Variants in BICRA observed in about 807,000 individuals in gnomAD.
The protein encoded by BICRA is BRD4 interacting chromatin remodeling complex associated protein, also known as BRD4-interacting chromatin-remodeling complex-associated protein.
A neutral mutation model predicts 96.9 loss-of-function variants in BICRA; 31 were observed. That is an observed-to-expected ratio of 0.32 (90% CI 0.24 to 0.43). BICRA has a LOEUF of 0.43. BICRA is among the 20% of genes least tolerant of loss of function. BICRA has a pLI of 1.00. For missense variants in BICRA, 2,283 were observed against 2,190.3 expected, an observed-to-expected ratio of 1.04 and a Z score of -0.84; for synonymous variants, 1,350 against 1,071.8, an observed-to-expected ratio of 1.26 and a Z score of -5.07.
intron 1 of BICRA, among the ~76,000 whole-genome samples, chr19:47,640,087 A>G (rs1045251946): frequency 5.3e-5 from 8 of 152,216 alleles, no homozygotes; most frequent in Admixed American, 3.3e-4. Flanking sequence ...TCACTCTGTC[A>G]TAAGGCTACA....
intron 1 of BICRA, among the ~76,000 whole-genome samples, chr19:47,625,567 G>A (rs1173422735): frequency 3.3e-5 from 5 of 152,126 alleles, no homozygotes; most frequent in Non-Finnish European, 5.9e-5. Flanking sequence ...GAGGGGCCAG[G>A]TGACCTTTAT....
Position 47,680,726 on chromosome 19 carries a change from A to G in BICRA, c.1556A>G (p.Asn519Ser), listed in dbSNP as rs1973032589. The G allele has an allele frequency of 3.1e-6, 5 of 1,602,748 alleles. No individual in the cohort carries two copies. In the South Asian group the frequency reaches 3.3e-5, roughly 11 times the overall value. ...LIANPILTNQ[N>S]LAGPLSLGPV... ...GCGAACCCCATCCTCACAAACCAGA[A>G]CCTGGCGGGCCCACTGAGCCTGGGC... is the stretch of plus-strand genomic sequence containing the variant. The change falls in exon 6 of 15, where the codon AAC (asparagine) becomes AGC (serine). Residue 519 changes from asparagine (N) to serine (S), a missense_variant. By Grantham distance (46) the Asn-to-Ser change is conservative. Transcript: ENST00000594866.
chr19:47,641,142 G>C (rs1283883133), intron 1 of BICRA, among the ~76,000 whole-genome samples: 3 of 142,194 alleles, frequency 2.1e-5, no homozygotes, highest in Admixed American at 7.4e-5. Context: ...GGATGGTCTC[G>C]GTCTCCTGAC....
chr19:47,616,286 C>A (rs925684261), intron 1 of BICRA, among the ~76,000 whole-genome samples: 4 of 152,138 alleles, frequency 2.6e-5, no homozygotes, highest in African/African-American at 9.7e-5. Context: ...GGATTAGATA[C>A]CCAAGTTGCT....
chr19:47,609,890 G>A (rs1971872558), intron 1 of BICRA, among the ~76,000 whole-genome samples: 1 of 152,106 alleles, frequency 6.6e-6, no homozygotes. Flanking sequence ...TTGACCCCCA[G>A]CCCCCGGCAA....
At position 47,659,823 on chromosome 19, in the gene BICRA, C is replaced by T. The variant is rs186128558; in HGVS notation, c.-107-10620C>T. On this transcript the variant is annotated intron_variant, in intron 1 of 14. Transcript: ENST00000594866. ...GTGGTGCAGTGGCATGATCTTGGCT[C>T]ACCACAGCCTTAGCCTCCCAGGCTC... Among the ~76,000 whole-genome samples the T allele has an allele frequency of 2.1e-4, 32 of 152,208 alleles. No homozygotes were observed. In the East Asian group the frequency reaches 5.8e-3, roughly 28 times the overall value.
intron 1 of BICRA, among the ~76,000 whole-genome samples, chr19:47,649,212 C>T (rs1373790248): frequency 6.6e-6 from 1 of 151,824 alleles, no homozygotes; most frequent in Non-Finnish European, 1.5e-5. Context: ...GTCTCAAGCT[C>T]CTGACCTCAA....
Position 47,679,374 on chromosome 19 carries a change from G to C in BICRA, c.204G>C (p.Pro68=). Residue 68 remains proline, a synonymous_variant, in exon 6 of 15, where the codon CCG becomes CCC. Coordinates refer to ENST00000594866, the MANE Select transcript of BICRA (RefSeq NM_001394372.1). The part of the protein sequence containing the change: ...GNHLNPEPNQ[P]APSVDLDFLE... The stretch of plus-strand genomic sequence containing the variant: ...ACCTGAACCCAGAGCCCAACCAGCC[G>C]GCCCCCAGTGTGGACCTAGACTTCC... 7.0e-7 allele frequency: 1 copy of C among 1,429,760 alleles called. No individual in the cohort carries two copies. Among genetic ancestry groups the C allele is most frequent in the Non-Finnish European group, 9.2e-7 (1 of 1,089,490 alleles). 88.6% of individuals were successfully genotyped at this position (1,429,760 alleles called of 1,614,324 possible).
intron 11 of BICRA, among the ~76,000 whole-genome samples, 158 bp downstream of exon 11, chr19:47,696,670 C>A (rs973977839): frequency 6.6e-6 from 1 of 152,224 alleles, no homozygotes; most frequent in Non-Finnish European, 1.5e-5. Context: ...CCCTCAGTTT[C>A]CCCCTCTGGA....
chr19:47,623,727 G>C (rs1183659011), intron 1 of BICRA, among the ~76,000 whole-genome samples: 2 of 152,134 alleles, frequency 1.3e-5, no homozygotes, highest in African/African-American at 4.8e-5. Flanking sequence ...CTGGAGGAGG[G>C]AGCTTCTAGG....
In BICRA at chr19:47,702,553, G is replaced by T; in HGVS notation, c.*138G>T. ...TGCCTAAGTTATTTGAGTCACAAAGGCCTCCTTCCCTGCCGCCTGCTTCAG... is the reference window on the plus strand; with the variant it reads ...TGCCTAAGTTATTTGAGTCACAAAGTCCTCCTTCCCTGCCGCCTGCTTCAG... On this transcript the variant is annotated 3_prime_UTR_variant, in exon 15 of 15. Coordinates refer to ENST00000594866, the MANE Select transcript of BICRA (RefSeq NM_001394372.1). The T allele has an allele frequency of 9.8e-7, 1 of 1,025,554 alleles. No homozygotes were observed. 63.5% of individuals were successfully genotyped at this position (1,025,554 alleles called of 1,614,324 possible).
intron 7 of BICRA, among the ~76,000 whole-genome samples, chr19:47,689,769 C>T (rs529746322): frequency 1.3e-5 from 2 of 152,280 alleles, no homozygotes; most frequent in South Asian, 4.1e-4. Flanking sequence ...CAACCTAGTG[C>T]AAATATGGTT....
Position 47,681,135 on chromosome 19 carries a change from CG to C in BICRA, c.1966del (p.Ala656ProfsTer68). Reference sequence around the variant, plus strand: ...CCCCGCAGGCCCCCACCCCACAGGCCGCCGCCCCGCCTCAGGCCACCACCCC... The same window carrying C: ...CCCCGCAGGCCCCCACCCCACAGGCCCCGCCCCGCCTCAGGCCACCACCCC... Reference protein sequence around the residue: ...QPPQAPTPQAAAPPQATTPQP... With the variant: ...QPPQAPTPQAXAPPQATTPQP... On this transcript the variant is annotated frameshift_variant, in exon 6 of 15. Transcript: ENST00000594866. LOFTEE classifies it high-confidence loss of function. 2 of 1,507,176 alleles carry C rather than the reference CG, an allele frequency of 1.3e-6. No individual in the cohort carries two copies. Among genetic ancestry groups the C allele is most frequent in the Non-Finnish European group, 1.8e-6 (2 of 1,125,362 alleles). 93.4% of individuals were successfully genotyped at this position (1,507,176 alleles called of 1,614,324 possible). A position where few individuals can be genotyped will look rare whatever the true frequency, so the allele number is the denominator to read the frequency against.
chr19:47,664,477 A>T (rs1972746643), intron 1 of BICRA, among the ~76,000 whole-genome samples: 1 of 152,096 alleles, frequency 6.6e-6, no homozygotes, highest in African/African-American at 2.4e-5. Flanking sequence ...ACAGGGTCTG[A>T]GTTCAAATTC....
intron 5 of BICRA, among the ~76,000 whole-genome samples, chr19:47,678,503 G>T (rs1341355714): frequency 6.6e-6 from 1 of 152,206 alleles, no homozygotes; most frequent in African/African-American, 2.4e-5. Context: ...GGCGTGCGAT[G>T]CAGGATCACG....
Position 47,698,585 on chromosome 19 carries a change from G to GCCC in BICRA, c.3249-49_3249-48insCCC. The GCCC allele has an allele frequency of 7.3e-6, 4 of 549,046 alleles. No homozygotes were observed. The highest frequency in any genetic ancestry group is 3.9e-5 in the East Asian group (1 of 25,578). 34.0% of individuals were successfully genotyped at this position (549,046 alleles called of 1,614,324 possible). A position where few individuals can be genotyped will look rare whatever the true frequency, so the allele number is the denominator to read the frequency against. On this transcript the variant is annotated intron_variant, in intron 11 of 14. Transcript: ENST00000594866. This position sits in a 1 kb window ranked among gnomAD's most constrained non-coding sequence, Gnocchi z 4.8. ...CAGGGACTTCCCCTGGCCCTCACCC[G>GCCC]TCCCCCCCACCCTCCGCCGTGTGTG...
Position 47,658,928 on chromosome 19 carries a change from C to T in BICRA, c.-107-11515C>T, listed in dbSNP as rs560120052. ...CTGATGACGTGTGAGTCCCTGTGTC[C>T]GGTGAACATAATCATTTCTTTTGTA... On this transcript the variant is annotated intron_variant, in intron 1 of 14. Transcript: ENST00000594866. 2.4e-4 allele frequency among the ~76,000 whole-genome samples: 37 copies of T among 152,284 alleles called. No homozygotes were observed. The South Asian group carries it at 7.5e-3, about 31-fold the overall frequency.
chr19:47,621,922 G>A (rs1305490564), intron 1 of BICRA, among the ~76,000 whole-genome samples: 1 of 152,006 alleles, frequency 6.6e-6, no homozygotes, highest in African/African-American at 2.4e-5. Flanking sequence ...TTCTCAAGTA[G>A]CTGGTGTTAC....
intron 1 of BICRA, among the ~76,000 whole-genome samples, chr19:47,655,394 G>A (rs536355700): frequency 6.6e-6 from 1 of 150,954 alleles, no homozygotes; most frequent in Admixed American, 6.6e-5. Context: ...GCGTGGTGGT[G>A]CATGCCTTTA....
Sources: gnomAD v4.1 joint callset for allele counts (sites outside exome capture counted in the v4.1 genomes callset) on GRCh38, gnomAD v4.1.1 for gene constraint, Gnocchi (gnomAD v3.1) non-coding constraint, MANE v1.5 for transcripts, NCBI Gene and HGNC (gene_info 2026-07-23, HGNC 2026-07-21) for gene names.